NCKAP5: variants seen among roughly 807,000 people sequenced by gnomAD.
NCKAP5 encodes the protein nck-associated protein 5.
In NCKAP5, 92 loss-of-function variants were observed where a neutral mutation model predicts 167.0. That is an observed-to-expected ratio of 0.55 (90% CI 0.47 to 0.66). The LOEUF is 0.66. Among genes scored for constraint, NCKAP5 ranks in the 30% least tolerant of loss-of-function variants. NCKAP5 has a pLI of 0.00. For missense variants in NCKAP5, 2,378 were observed against 2,315.0 expected (o/e 1.03, Z -0.56); for synonymous variants, 891 against 877.4 (o/e 1.02, Z -0.27).
chr2:133,482,964 T>C (rs957005140), intron 3 of NCKAP5, among the ~76,000 whole-genome samples: 10 of 152,208 alleles, frequency 6.6e-5, no homozygotes, highest in African/African-American at 1.9e-4. Flanking sequence ...ATTAAACTTA[T>C]ATCTCATTTT....
intron 19 of NCKAP5, among the ~76,000 whole-genome samples, chr2:132,705,577 A>G (rs1688281669): frequency 1.3e-5 from 2 of 152,226 alleles, no homozygotes; most frequent in Admixed American, 6.5e-5. Context: ...AAGTCTAGTC[A>G]GGTTTAAAAT....
At chr2:133,028,654 G>C (rs1052606451) in intron 6 of NCKAP5, among the ~76,000 whole-genome samples, 1 of 152,204 alleles carries the variant, frequency 6.6e-6, no homozygotes, top group African/African-American at 2.4e-5. Flanking sequence ...TAAGGCAACT[G>C]CTTTAACAAC....
intron 4 of NCKAP5, among the ~76,000 whole-genome samples, chr2:133,233,123 G>T (rs1347480534): frequency 6.6e-6 from 1 of 152,134 alleles, no homozygotes; most frequent in African/African-American, 2.4e-5. Context: ...TCTGTGGGAC[G>T]AGGAAAATGT....
chr2:132,913,922 AT>A (rs1417083414), intron 8 of NCKAP5, among the ~76,000 whole-genome samples: 6 of 152,172 alleles, frequency 3.9e-5, no homozygotes, highest in Admixed American at 2.0e-4. Context: ...TGGAATTCAG[AT>A]TTATTTATGA....
At chr2:132,952,509 T>A (rs987522252) in intron 8 of NCKAP5, among the ~76,000 whole-genome samples, 1 of 152,178 alleles carries the variant, frequency 6.6e-6, no homozygotes, top group Non-Finnish European at 1.5e-5. Flanking sequence ...CTCTCAGCAG[T>A]TGGTCATAAC....
intron 7 of NCKAP5, among the ~76,000 whole-genome samples, chr2:132,986,608 T>C (rs1387794828): frequency 6.6e-6 from 1 of 152,196 alleles, no homozygotes; most frequent in Non-Finnish European, 1.5e-5. Context: ...AAATCTATTA[T>C]GTTAGAAATT....
At chr2:132,895,286 G>A (rs369837172) in intron 8 of NCKAP5, among the ~76,000 whole-genome samples, 10 of 149,060 alleles carry the variant, frequency 6.7e-5, no homozygotes, top group African/African-American at 2.2e-4. Flanking sequence ...AGCCGAGATC[G>A]CGTCACTGCA....
intron 3 of NCKAP5, among the ~76,000 whole-genome samples, chr2:133,430,586 C>T (rs1363696498): frequency 6.6e-6 from 1 of 152,086 alleles, no homozygotes; most frequent in Non-Finnish European, 1.5e-5. Flanking sequence ...CATTCTTCTG[C>T]ATATACTTAG....
intron 6 of NCKAP5, among the ~76,000 whole-genome samples, chr2:133,111,622 G>T (rs1203963470): frequency 6.6e-6 from 1 of 152,176 alleles, no homozygotes; most frequent in Non-Finnish European, 1.5e-5. Context: ...ATAGCCCTCT[G>T]CCATGATTCT....
At chr2:133,550,395 C>T (rs1269291394) in intron 2 of NCKAP5, among the ~76,000 whole-genome samples, 1 of 151,604 alleles carries the variant, frequency 6.6e-6, no homozygotes, top group Non-Finnish European at 1.5e-5. Context: ...AAAGCTTATC[C>T]AACATGATCA....
intron 3 of NCKAP5, among the ~76,000 whole-genome samples, chr2:133,438,021 T>C (rs1690601976): frequency 6.6e-6 from 1 of 152,238 alleles, no homozygotes; most frequent in Non-Finnish European, 1.5e-5. Flanking sequence ...ATTGGGATTG[T>C]AGAGATTCCA....
chr2:132,840,340 A>C (rs1048409983), intron 11 of NCKAP5, among the ~76,000 whole-genome samples: 3 of 144,250 alleles, frequency 2.1e-5, no homozygotes, highest in African/African-American at 7.7e-5. Flanking sequence ...CATTGGTGTG[A>C]TCTCAGCTCA....
intron 3 of NCKAP5, among the ~76,000 whole-genome samples, chr2:133,386,524 G>C (rs567736359): frequency 6.6e-6 from 1 of 152,332 alleles, no homozygotes; most frequent in Non-Finnish European, 1.5e-5. Context: ...TGTACATTCT[G>C]TTGATTTGGG....
chr2:133,059,022 A>G (rs111831913), intron 6 of NCKAP5, among the ~76,000 whole-genome samples: 2,024 of 152,282 alleles, frequency 0.013, 45 homozygotes, highest in African/African-American at 0.046. Flanking sequence ...ATATGCAGCC[A>G]GGGGTGGTGG....
chr2:133,478,215 T>C (rs938952772), intron 3 of NCKAP5, among the ~76,000 whole-genome samples: 1 of 152,232 alleles, frequency 6.6e-6, no homozygotes, highest in African/African-American at 2.4e-5. Flanking sequence ...GTTCCAATCA[T>C]GCCAGCAAGT....
chr2:133,562,848 G>A (rs1688263752), intron 1 of NCKAP5, among the ~76,000 whole-genome samples: 1 of 152,172 alleles, frequency 6.6e-6, no homozygotes, highest in African/African-American at 2.4e-5. Flanking sequence ...CACTTCATTA[G>A]GCAAGTATGT....
intron 11 of NCKAP5, among the ~76,000 whole-genome samples, chr2:132,856,747 AC>A (rs1689502896): frequency 6.6e-6 from 1 of 152,206 alleles, no homozygotes; most frequent in Non-Finnish European, 1.5e-5. Flanking sequence ...TTGGGATTGT[AC>A]TGCAGAAGCC....
intron 7 of NCKAP5, among the ~76,000 whole-genome samples, chr2:132,982,846 T>C (rs1426248854): frequency 6.6e-6 from 1 of 152,214 alleles, no homozygotes; most frequent in African/African-American, 2.4e-5. Flanking sequence ...GAACATGATT[T>C]CTTTCTTTTT....
chr2:133,605,758 AC>A, the NCKAP5 span, among the ~76,000 whole-genome samples: 2 of 151,964 alleles, frequency 1.3e-5, no homozygotes, highest in South Asian at 4.2e-4. Flanking sequence ...CCTTGAAAAA[AC>A]CCTAAAGAAC....
Sources: gnomAD v4.1 joint callset for allele counts (sites outside exome capture counted in the v4.1 genomes callset) on GRCh38, gnomAD v4.1.1 for gene constraint, MANE v1.5 for transcripts, NCBI Gene and HGNC (gene_info 2026-07-23, HGNC 2026-07-21) for gene names.